CEP131: variants seen among roughly 807,000 people sequenced by gnomAD.
CEP131 encodes the protein centrosomal protein 131, also known as centrosomal protein of 131 kDa.
In CEP131, 99 loss-of-function variants were observed where a neutral mutation model predicts 136.8. The ratio of observed to expected loss-of-function variants is 0.72; its 90% CI spans 0.62 to 0.86. The LOEUF is 0.86. CEP131 is among the 40% of genes least tolerant of loss of function. CEP131 has a pLI of 0.00. For missense variants in CEP131, 1,459 were observed against 1,463.0 expected (o/e 1.00, Z 0.04); for synonymous variants, 646 against 612.7 (o/e 1.05, Z -0.80).
chr17:81,205,151 C>G (rs2061975736), intron 5 of CEP131, among the ~76,000 whole-genome samples: 1 of 151,532 alleles, frequency 6.6e-6, no homozygotes. Flanking sequence ...CCCAGCTACC[C>G]AGGAGGCTGA....
At chr17:81,196,881 C>T (rs759825266) in intron 14 of CEP131, 49 bp downstream of exon 14, 35 of 1,604,876 alleles carry the variant, frequency 2.2e-5, no homozygotes, top group Middle Eastern at 1.6e-4. Flanking sequence ...CTGGCCTCAG[C>T]AGGTAGGAGG....
At chr17:81,217,967 C>T (rs2062289947) in intron 2 of CEP131, among the ~76,000 whole-genome samples, 1 of 152,196 alleles carries the variant, frequency 6.6e-6, no homozygotes, top group African/African-American at 2.4e-5. Context: ...ACAGTCTCCA[C>T]ACAACAAGAG....
Position 81,200,414 on chromosome 17 carries a change from G to C in CEP131, c.821C>G (p.Thr274Ser). Reference protein sequence around the residue: ...FIHQVNQATVTIQRWYRHQVQ... With the variant: ...FIHQVNQATVSIQRWYRHQVQ... ...CTGGTGCCGGTACCAGCGCTGGATG[G>C]TGACAGTGGCCTGGTTCACCTGGTG... is the stretch of plus-strand genomic sequence containing the variant. Residue 274 changes from threonine (T) to serine (S), a missense_variant, in exon 8 of 26, where the codon ACC becomes AGC. Transcript: ENST00000450824. The C allele has an allele frequency of 6.4e-7, 1 of 1,556,196 alleles. No individual in the cohort carries two copies. Among genetic ancestry groups the C allele is most frequent in the Non-Finnish European group, 8.7e-7 (1 of 1,150,412 alleles).
At position 81,189,962 on chromosome 17, in the gene CEP131, G is replaced by A. The variant is rs200888474; in HGVS notation, c.3121C>T (p.Leu1041Phe). ...EEVHRRVKTA[L>F]ARKEEAVSSL... ...CTCACGGCCTCCTCCTTCCTCGCGA[G>A]GGCTGTCTTCACCCTGTGGGTAGTA... The change falls in exon 25 of 26, where the codon CTC becomes TTC. Residue 1041 changes from leucine to phenylalanine, a missense_variant. By Grantham distance (22) the Leu-to-Phe change is conservative. Transcript: ENST00000450824. 36 of 1,610,390 alleles carry A rather than the reference G, an allele frequency of 2.2e-5. 1 individual carries two copies. The South Asian group carries it at 3.6e-4, about 16-fold the overall frequency.
Position 81,192,314 on chromosome 17 carries a change from C to T in CEP131, c.2622+4G>A. On this transcript the variant is annotated splice_donor_region_variant and intron_variant, in intron 21 of 25. Coordinates refer to ENST00000450824, the MANE Select transcript of CEP131 (RefSeq NM_014984.4). ...CCTGCCCACCTGGGTGCCCAGGCCC[C>T]CACCTCCTTCCTGGTGCGGCCGGCC... 6.4e-7 allele frequency: 1 copy of T among 1,551,836 alleles called. No individual in the cohort carries two copies. The highest frequency in any genetic ancestry group is 8.7e-7 in the Non-Finnish European group (1 of 1,148,946).
intron 19 of CEP131, 51 bp downstream of exon 19, chr17:81,192,685 G>GGGGGGGGGGCCCCC: frequency 2.1e-6 from 1 of 478,426 alleles, no homozygotes; most frequent in Non-Finnish European, 4.1e-6. Flanking sequence ...GGGGGGAGGG[G>GGGGGGGGGGCCCCC]TCAGCCAGCG....
At chr17:81,221,800 G>T (rs2062394547) in intron 1 of CEP131, among the ~76,000 whole-genome samples, 1 of 152,210 alleles carries the variant, frequency 6.6e-6, no homozygotes, top group Non-Finnish European at 1.5e-5. Flanking sequence ...ATGAACGGGA[G>T]AAGCTGGCGC....
At chr17:81,202,878 C>T (rs1024496508) in intron 6 of CEP131, among the ~76,000 whole-genome samples, 2 of 151,886 alleles carry the variant, frequency 1.3e-5, no homozygotes, top group African/African-American at 2.4e-5. Flanking sequence ...GCAGGAGAAT[C>T]GCTTGAACCT....
In CEP131 at chr17:81,196,844, A is replaced by C. The variant is rs1470084435; in HGVS notation, c.1774-18T>G. 6.3e-7 allele frequency: 1 copy of C among 1,598,504 alleles called. No homozygotes were observed. Among genetic ancestry groups the C allele is most frequent in the African/African-American group, 1.3e-5 (1 of 74,732 alleles). On this transcript the variant is annotated intron_variant, in intron 14 of 25. Coordinates refer to ENST00000450824, the MANE Select transcript of CEP131 (RefSeq NM_014984.4). ...TGCTGCGCCTGCAGGGTGTGGGCAG[A>C]GGAGGGAAGCGCTAGGACCGGTGGG...
rs1264006503 is a variant in CEP131, at chr17:81,196,912, C to T, written c.1773+18G>A. The T allele has an allele frequency of 6.2e-7, 1 of 1,608,376 alleles. No homozygotes were observed. ...GGAGGCTAGCAGGGCCCGGGATTAGCAGTGCCAGCAGCGTTACCAGCGCTC... is the reference window on the plus strand; with the variant it reads ...GGAGGCTAGCAGGGCCCGGGATTAGTAGTGCCAGCAGCGTTACCAGCGCTC... On this transcript the variant is annotated intron_variant, in intron 14 of 25. Coordinates refer to ENST00000450824, the MANE Select transcript of CEP131 (RefSeq NM_014984.4).
Position 81,189,812 on chromosome 17 carries a change from T to A in CEP131, c.3200A>T (p.Glu1067Val), listed in dbSNP as rs1411156514. 1 of 1,611,184 alleles carries A rather than the reference T, an allele frequency of 6.2e-7. No individual in the cohort carries two copies. The highest frequency in any genetic ancestry group is 1.3e-5 in the African/African-American group (1 of 74,876). The change falls in exon 26 of 26, where the codon GAG (glutamate) becomes GTG (valine). Residue 1067 changes from glutamate (E) to valine (V), a missense_variant. Glu to Val is a moderately radical substitution (Grantham distance 121). Around this residue, in one of 3 missense-constraint regions of CEP131, gnomAD observed 1,026 missense variants for 964.2 expected, o/e 1.06. Transcript: ENST00000450824. ...GGGCCTCCTGTGCTGCTCCAGCAGC[T>A]CCTCCAGGTGGTCGGCCCGCTTCAC... ...AAVKRADHLE[E>V]LLEQHRRPTP... is the part of the protein sequence containing the mutation.
chr17:81,204,558 C>CT (rs1037560702), intron 5 of CEP131, among the ~76,000 whole-genome samples: 1 of 152,172 alleles, frequency 6.6e-6, no homozygotes, highest in African/African-American at 2.4e-5. Flanking sequence ...TAGGGCCTCC[C>CT]TTTTAACAAG....
At chr17:81,199,971 C>G in intron 8 of CEP131, 136 bp from the exon 9 acceptor site, 1 of 856,366 alleles carries the variant, frequency 1.2e-6, no homozygotes, top group Non-Finnish European at 1.9e-6. Context: ...AAGTGAAACC[C>G]CACCAGGACC....
intron 2 of CEP131, among the ~76,000 whole-genome samples, chr17:81,216,574 C>T (rs370046136): frequency 2.0e-5 from 3 of 152,292 alleles, no homozygotes; most frequent in East Asian, 3.9e-4. Context: ...ACGCAGCTGA[C>T]GGATACGGCA....
In CEP131 at chr17:81,198,100, G is replaced by A. The variant is rs377118972; in HGVS notation, c.1470+15C>T. 1.4e-5 allele frequency: 21 copies of A among 1,547,074 alleles called. No individual in the cohort carries two copies. The highest frequency in any genetic ancestry group is 5.9e-5 in the South Asian group (5 of 84,696). ...GGTGGACAGACTGTGCAGGGCGGGC[G>A]CACACCGTGGTCACCTCGCTGGCCC... On this transcript the variant is annotated intron_variant, in intron 12 of 25. Coordinates refer to ENST00000450824, the MANE Select transcript of CEP131 (RefSeq NM_014984.4).
intron 2 of CEP131, among the ~76,000 whole-genome samples, chr17:81,210,145 A>G (rs2062100656): frequency 3.4e-5 from 5 of 145,408 alleles, no homozygotes; most frequent in South Asian, 2.2e-4. Context: ...GGAAAGTGGC[A>G]CTCATAAGTA....
At chr17:81,194,339 C>T (rs536406292) in intron 17 of CEP131, among the ~76,000 whole-genome samples, 2 of 152,312 alleles carry the variant, frequency 1.3e-5, no homozygotes, top group East Asian at 3.9e-4. Flanking sequence ...GCCTGTGGGG[C>T]TCAGGGCTCC....
In CEP131 at chr17:81,208,342, G is replaced by A. The variant is rs1028879842; in HGVS notation, c.272+586C>T. ...ACGGCCCCACAGGAGCACCCTGCTC[G>A]CTCGGGGACAATGCCTGGTGGGAGG... On this transcript the variant is annotated intron_variant, in intron 3 of 25. Coordinates refer to ENST00000450824, the MANE Select transcript of CEP131 (RefSeq NM_014984.4). The surrounding 1 kb of genome is among the most constrained non-coding windows in gnomAD (Gnocchi z 5.6). Among the ~76,000 whole-genome samples the A allele has an allele frequency of 5.3e-5, 8 of 152,184 alleles. No homozygotes were observed. Among genetic ancestry groups the A allele is most frequent in the Admixed American group, 2.0e-4 (3 of 15,288 alleles).
chr17:81,190,602 C>T (rs758804062), intron 24 of CEP131, 37 bp downstream of exon 24: 26 of 1,516,102 alleles, frequency 1.7e-5, no homozygotes, highest in South Asian at 8.8e-5. Flanking sequence ...TCCCCTGCCC[C>T]GCCTCCGTCT....
Sources: allele counts gnomAD v4.1 joint callset (sites outside exome capture counted in the v4.1 genomes callset), GRCh38; gene constraint gnomAD v4.1.1; regional missense constraint gnomAD v4.1.1; non-coding constraint Gnocchi (gnomAD v3.1); transcripts MANE v1.5; gene names NCBI Gene and HGNC (gene_info 2026-07-23, HGNC 2026-07-21).